The following SYCP2L variants were observed in gnomAD, a reference collection of about 807,000 sequenced individuals.
SYCP2L encodes synaptonemal complex protein 2-like.
Under a neutral mutation model 125.8 loss-of-function variants are expected in SYCP2L, and 98 were observed. That is an observed-to-expected ratio of 0.78 (90% CI 0.66 to 0.92). SYCP2L has a LOEUF of 0.92. Among genes scored for constraint, SYCP2L ranks in the 40% least tolerant of loss-of-function variants. SYCP2L has a pLI of 0.00. For missense variants in SYCP2L, 842 were observed against 936.4 expected (o/e 0.90, Z 1.32); for synonymous variants, 317 against 325.4 (o/e 0.97, Z 0.28).
chr6:10,928,916 T>C (rs1246571817), intron 18 of SYCP2L, among the ~76,000 whole-genome samples: 1 of 73,362 alleles, frequency 1.4e-5, no homozygotes, highest in Admixed American at 1.0e-4. Context: ...TTTTCTTTAC[T>C]TTTTTTTTTT....
At chr6:10,973,719 C>A (rs1274262014) in intron 29 of SYCP2L, among the ~76,000 whole-genome samples, 1 of 152,202 alleles carries the variant, frequency 6.6e-6, no homozygotes, top group African/African-American at 2.4e-5. Context: ...GCAGGTACAT[C>A]TTCAGAGTGG....
chr6:10,949,329 G>GT (rs1443140733), intron 23 of SYCP2L, among the ~76,000 whole-genome samples: 1 of 152,044 alleles, frequency 6.6e-6, no homozygotes, highest in Non-Finnish European at 1.5e-5. Context: ...ACCATCAATG[G>GT]TTAGTAGTTC....
Position 10,961,393 on chromosome 6 carries a change from A to T in SYCP2L, c.2344A>T (p.Lys782Ter). The change falls in exon 27 of 30, where the codon AAG becomes TAG. Residue 782 changes from lysine to a stop codon, truncating the protein, a stop_gained. Coordinates refer to ENST00000283141, the MANE Select transcript of SYCP2L (RefSeq NM_001040274.3). LOFTEE classifies it high-confidence loss of function. ...QDIQALEHLE[K>*]EVLEFWGKQS... is the part of the protein sequence containing the mutation. ...TATTCAGGCCCTGGAACACCTTGAG[A>T]AGGAGGTTCTGGTAAGTTCTTTTTG... The T allele has an allele frequency of 1.9e-6, 3 of 1,614,136 alleles. No homozygotes were observed. Among genetic ancestry groups the T allele is most frequent in the Non-Finnish European group, 2.5e-6 (3 of 1,179,996 alleles).
At chr6:10,959,607 C>T (rs778701618) in intron 26 of SYCP2L, among the ~76,000 whole-genome samples, 6 of 151,474 alleles carry the variant, frequency 4.0e-5, no homozygotes, top group South Asian at 2.1e-4. Flanking sequence ...TGGTGGCTCA[C>T]GCCTGTAATC....
chr6:10,901,148 A>G (rs180796849), intron 6 of SYCP2L, among the ~76,000 whole-genome samples: 3 of 152,312 alleles, frequency 2.0e-5, no homozygotes, highest in Non-Finnish European at 2.9e-5. Flanking sequence ...TAGTGATTTG[A>G]ATGGCTTATG....
At chr6:10,909,764 CTG>C (rs1222766751) in intron 10 of SYCP2L, among the ~76,000 whole-genome samples, 9 of 152,318 alleles carry the variant, frequency 5.9e-5, no homozygotes, top group Admixed American at 5.9e-4. Context: ...TTGGTTAGTG[CTG>C]TGCAGGTGTT....
intron 14 of SYCP2L, among the ~76,000 whole-genome samples, chr6:10,920,577 T>G (rs576422429): frequency 1.3e-5 from 2 of 152,222 alleles, no homozygotes; most frequent in Non-Finnish European, 2.9e-5. Flanking sequence ...GAGTGCCTCA[T>G]GGGAAGAAGG....
At chr6:10,891,184 A>C (rs1780165359) in intron 1 of SYCP2L, among the ~76,000 whole-genome samples, 1 of 152,158 alleles carries the variant, frequency 6.6e-6, no homozygotes, top group African/African-American at 2.4e-5. Context: ...TTATTAGTTC[A>C]AAGCCTTTTT....
chr6:10,939,104 A>G (rs369685927), intron 21 of SYCP2L, among the ~76,000 whole-genome samples: 1 of 151,888 alleles, frequency 6.6e-6, no homozygotes, highest in Non-Finnish European at 1.5e-5. Context: ...TGGGTGACAC[A>G]ACGAGACTCC....
chr6:10,899,465 T>C (rs187436790), intron 6 of SYCP2L, among the ~76,000 whole-genome samples: 25 of 152,260 alleles, frequency 1.6e-4, no homozygotes, highest in South Asian at 8.3e-4. Flanking sequence ...GGAGGATCAC[T>C]TGAGCCCCAG....
Position 10,931,332 on chromosome 6 carries a change from A to G in SYCP2L, c.1634-108A>G. ...AAGAGTAGACATTTCTGGAAGCTGTAGGAAGTGGGAATTGCTTTTAGTGTT... is the reference window on the plus strand; with the variant it reads ...AAGAGTAGACATTTCTGGAAGCTGTGGGAAGTGGGAATTGCTTTTAGTGTT... On this transcript the variant is annotated intron_variant, in intron 19 of 29. Transcript: ENST00000283141. 3.9e-6 allele frequency: 4 copies of G among 1,030,718 alleles called. No homozygotes were observed. In the South Asian group the frequency reaches 5.4e-5, roughly 14 times the overall value. The allele number at this position is 1,030,718 out of a possible 1,614,324, so 63.8% of individuals were successfully genotyped here.
intron 29 of SYCP2L, among the ~76,000 whole-genome samples, chr6:10,971,328 C>T (rs761318970): frequency 5.9e-5 from 9 of 151,454 alleles, no homozygotes; most frequent in Non-Finnish European, 1.3e-4. Context: ...TGTGGTGGCA[C>T]GAGGCTGTAG....
intron 2 of SYCP2L, among the ~76,000 whole-genome samples, chr6:10,893,113 C>A (rs1780202784): frequency 7.2e-6 from 1 of 139,166 alleles, no homozygotes; most frequent in African/African-American, 2.6e-5. Context: ...TCAAGCGATT[C>A]TCCTGCCTCA....
rs56943517 is a variant in SYCP2L, at chr6:10,945,769, T to TA, written c.1954+3048dup. ...TGGGTAACAGAGTGAGACTCCATCTTAAAAAAAAAAAAAAAAAAAAAAAAA... is the reference window on the plus strand; with the variant it reads ...TGGGTAACAGAGTGAGACTCCATCTTAAAAAAAAAAAAAAAAAAAAAAAAAA... On this transcript the variant is annotated intron_variant, in intron 23 of 29. Transcript: ENST00000283141. Among the ~76,000 whole-genome samples the TA allele has an allele frequency of 1.6e-3, 146 of 93,250 alleles. 1 individual carries two copies. Among genetic ancestry groups the TA allele is most frequent in the African/African-American group, 5.9e-3 (139 of 23,614 alleles). The allele number at this position is 93,250 out of a possible 152,430, so 61.2% of individuals were successfully genotyped here.
intron 28 of SYCP2L, among the ~76,000 whole-genome samples, chr6:10,961,813 AG>A (rs1333589475): frequency 2.6e-5 from 4 of 152,142 alleles, no homozygotes; most frequent in African/African-American, 9.7e-5. Context: ...TTTATTTTTA[AG>A]CAGTATTTTT....
In SYCP2L at chr6:10,912,107, T is replaced by TA. The variant is rs1780620750; in HGVS notation, c.919-565dup. On this transcript the variant is annotated intron_variant, in intron 12 of 29. Coordinates refer to ENST00000283141, the MANE Select transcript of SYCP2L (RefSeq NM_001040274.3). This position sits in a 1 kb window ranked among gnomAD's most constrained non-coding sequence, Gnocchi z 4.1. Reference sequence around the variant, plus strand: ...TTAATGGTGCCTATGGAAAGGTACTTATGAAAAACTGAGGGGCAGAGAAGA... The same window carrying TA: ...TTAATGGTGCCTATGGAAAGGTACTTAATGAAAAACTGAGGGGCAGAGAAGA... Among the ~76,000 whole-genome samples the TA allele has an allele frequency of 1.3e-5, 2 of 152,100 alleles. No individual in the cohort carries two copies. Among genetic ancestry groups the TA allele is most frequent in the African/African-American group, 4.8e-5 (2 of 41,486 alleles).
At position 10,974,128 on chromosome 6, in the gene SYCP2L, G is replaced by T. The variant is rs1161387911; in HGVS notation, c.*214G>T. On this transcript the variant is annotated 3_prime_UTR_variant, in exon 30 of 30. Transcript: ENST00000283141. ...TTTGCAGTTGGGTTATTATCCATTT[G>T]TTCATAAAAATTAACCTTTTGTATT... 6 of 152,080 alleles carry T rather than the reference G, an allele frequency of 3.9e-5. No individual in the cohort carries two copies. Among genetic ancestry groups the T allele is most frequent in the Non-Finnish European group, 7.4e-5 (5 of 68,006 alleles). 9.4% of individuals were successfully genotyped at this position (152,080 alleles called of 1,614,324 possible).
At chr6:10,935,226 G>GA in intron 21 of SYCP2L, 39 bp downstream of exon 21, 1 of 1,598,240 alleles carries the variant, frequency 6.3e-7, no homozygotes, top group Non-Finnish European at 8.5e-7. Flanking sequence ...GAAAAAATTT[G>GA]TATTTGGGAA....
intron 2 of SYCP2L, 96 bp from the exon 3 acceptor site, chr6:10,893,769 TCA>T: frequency 7.7e-7 from 1 of 1,293,322 alleles, no homozygotes; most frequent in Non-Finnish European, 1.1e-6. Context: ...CTATATTATT[TCA>T]CACTGAATTC....
Sources: allele counts gnomAD v4.1 joint callset (sites outside exome capture counted in the v4.1 genomes callset), GRCh38; gene constraint gnomAD v4.1.1; non-coding constraint Gnocchi (gnomAD v3.1); transcripts MANE v1.5; gene names NCBI Gene and HGNC (gene_info 2026-07-23, HGNC 2026-07-21).